Variants in LMF1 observed in about 807,000 individuals in gnomAD.
LMF1 encodes the protein lipase maturation factor 1, also known as transmembrane protein 112.
In LMF1, 68 loss-of-function variants were observed where a neutral mutation model predicts 60.6. The observed-to-expected ratio is 1.12, with a 90% confidence interval of 0.92 to 1.37. The LOEUF (loss-of-function observed/expected upper bound fraction) is 1.37. Ranked by LOEUF, LMF1 falls within the 40% of genes most tolerant of loss-of-function variation. LMF1 has a pLI of 0.00. For synonymous variants in LMF1, 418 were observed against 324.7 expected, an observed-to-expected ratio of 1.29 and a Z score of -3.09; for missense variants, 948 against 767.2, an observed-to-expected ratio of 1.24 and a Z score of -2.78.
At chr16:916,585 G>A (rs927252151) in intron 3 of LMF1, among the ~76,000 whole-genome samples, 10 of 152,298 alleles carry the variant, frequency 6.6e-5, no homozygotes, top group East Asian at 1.9e-4. Context: ...CTCGCTGCGC[G>A]CCAGTGGCGG....
At chr16:867,731 G>C (rs891989359) in intron 10 of LMF1, among the ~76,000 whole-genome samples, 1 of 152,180 alleles carries the variant, frequency 6.6e-6, no homozygotes, top group African/African-American at 2.4e-5. Context: ...CCCCTGGACT[G>C]CCTGAGGCCG....
intron 9 of LMF1, chr16:869,627 C>A: frequency 4.6e-6 from 3 of 656,266 alleles, no homozygotes; most frequent in Non-Finnish European, 5.6e-6. Context: ...CTATGGCACC[C>A]GGGCTGGGAT....
intron 4 of LMF1, among the ~76,000 whole-genome samples, chr16:894,012 T>C (rs2070577599): frequency 7.1e-6 from 1 of 141,774 alleles, no homozygotes; most frequent in Non-Finnish European, 1.5e-5. Context: ...CACCCACCCG[T>C]CCCCCTGTCC....
At chr16:887,328 A>G (rs73497242) in intron 5 of LMF1, among the ~76,000 whole-genome samples, 8,599 of 152,288 alleles carry the variant, frequency 0.056, 598 homozygotes, top group Admixed American at 0.17. Context: ...CAGGCTGGAA[A>G]GGGGCGCCTG....
intron 3 of LMF1, among the ~76,000 whole-genome samples, chr16:915,198 T>TG (rs1278535945): frequency 6.6e-6 from 1 of 152,214 alleles, no homozygotes; most frequent in Non-Finnish European, 1.5e-5. Context: ...GGGATGACTC[T>TG]GGGGACATTC....
chr16:921,465 G>C (rs1040962405), intron 3 of LMF1, among the ~76,000 whole-genome samples: 1 of 152,230 alleles, frequency 6.6e-6, no homozygotes, highest in African/African-American at 2.4e-5. Context: ...CAAACCCCCC[G>C]GCGGAGTGTG....
chr16:866,092 C>T (rs55977409), intron 10 of LMF1, among the ~76,000 whole-genome samples: 4,802 of 152,294 alleles, frequency 0.032, 226 homozygotes, highest in African/African-American at 0.1. Context: ...CTAATACCTC[C>T]CTCATCTTGG....
intron 1 of LMF1, chr16:976,238 C>T (rs1009771873): frequency 2.2e-6 from 1 of 445,950 alleles, no homozygotes; most frequent in Non-Finnish European, 4.5e-6. Context: ...CTACAAGGGC[C>T]CAAGGGCTGA....
In LMF1 at chr16:870,885, G is replaced by A; in HGVS notation, c.1079-3C>T. ...GGCTGCACGCCGCACCACGGAGCCT[G>A]GCAGGGGAGTGACATCTTCCAGGTG... On this transcript the variant is annotated splice_polypyrimidine_tract_variant and splice_region_variant and intron_variant, in intron 7 of 10. Coordinates refer to ENST00000262301, the MANE Select transcript of LMF1 (RefSeq NM_022773.4). 6.2e-7 allele frequency: 1 copy of A among 1,603,276 alleles called. No individual in the cohort carries two copies.
chr16:925,638 G>A (rs1170843760), intron 3 of LMF1, among the ~76,000 whole-genome samples: 1 of 152,198 alleles, frequency 6.6e-6, no homozygotes, highest in African/African-American at 2.4e-5. Flanking sequence ...GGGAGGCTGA[G>A]GTGGGAGGAT....
chr16:881,098 G>C (rs2070150109), intron 5 of LMF1, among the ~76,000 whole-genome samples: 6 of 152,320 alleles, frequency 3.9e-5, no homozygotes, highest in Admixed American at 3.9e-4. Context: ...TGGAAGTCGG[G>C]GCCCCCAGGT....
upstream of LMF1, among the ~76,000 whole-genome samples, chr16:974,958 C>T (rs1316765031): frequency 2.0e-5 from 3 of 152,218 alleles, no homozygotes; most frequent in Admixed American, 1.3e-4. Context: ...ACATCTGTTG[C>T]CTCCTCCTGG....
chr16:872,182 A>G (rs555623041), intron 6 of LMF1: 9 of 152,148 alleles, frequency 5.9e-5, no homozygotes, highest in African/African-American at 1.7e-4. Flanking sequence ...GTCGCCCTGC[A>G]TGGGTGATGG....
In LMF1 at chr16:878,747, GGGGCAGGGGCGGGCA is replaced by G. The variant is rs1364415693; in HGVS notation, c.897+808_897+822del. ...GGGTGGGCAGGGCAGGGGAAGGGCG[GGGGCAGGGGCGGGCA>G]GGGCAGGGGAAGGGGCGTGGGACAC... is the stretch of plus-strand genomic sequence containing the variant. On this transcript the variant is annotated intron_variant, in intron 6 of 10. Coordinates refer to ENST00000262301, the MANE Select transcript of LMF1 (RefSeq NM_022773.4). This position sits in a 1 kb window ranked among gnomAD's most constrained non-coding sequence, Gnocchi z 5.2. 9.8e-5 allele frequency among the ~76,000 whole-genome samples: 14 copies of G among 142,954 alleles called. No homozygotes were observed. The highest frequency in any genetic ancestry group is 3.9e-4 in the African/African-American group (14 of 36,226). The allele number at this position is 142,954 out of a possible 152,430, so 93.8% of individuals were successfully genotyped here. A position where few individuals can be genotyped will look rare whatever the true frequency, so the allele number is the denominator to read the frequency against.
chr16:889,939 G>A (rs1335553445), intron 5 of LMF1, among the ~76,000 whole-genome samples: 1 of 152,204 alleles, frequency 6.6e-6, no homozygotes. Context: ...CCTCATGGCT[G>A]CTGCCTGACA....
At chr16:894,844 A>G (rs1335570869) in intron 4 of LMF1, among the ~76,000 whole-genome samples, 2 of 152,174 alleles carry the variant, frequency 1.3e-5, no homozygotes, top group African/African-American at 2.4e-5. Context: ...TCCTGGTACC[A>G]TGACACTGGG....
intron 10 of LMF1, among the ~76,000 whole-genome samples, chr16:857,837 T>C (rs370603610): frequency 2.2e-3 from 76 of 33,834 alleles, no homozygotes; most frequent in East Asian, 5.4e-3. Context: ...TGTCTCGGGA[T>C]GGGTGTGAGT....
At chr16:970,990 G>A (rs768250462), upstream of LMF1, 8 of 1,478,284 alleles carry the variant, frequency 5.4e-6, no homozygotes, top group Admixed American at 1.7e-4. Flanking sequence ...TGTGCGGGGA[G>A]GGCGCACTCC....
chr16:956,127 A>T (rs113132166), intron 1 of LMF1, among the ~76,000 whole-genome samples: 2 of 38,072 alleles, frequency 5.3e-5, no homozygotes, highest in African/African-American at 2.8e-4. Context: ...CCACAATGGC[A>T]CTGTCACATC....
Sources: gnomAD v4.1 joint callset for allele counts (sites outside exome capture counted in the v4.1 genomes callset) on GRCh38, gnomAD v4.1.1 for gene constraint, Gnocchi (gnomAD v3.1) non-coding constraint, MANE v1.5 for transcripts, NCBI Gene and HGNC (gene_info 2026-07-23, HGNC 2026-07-21) for gene names.